The following AIM2 variants were observed in gnomAD, a reference collection of about 807,000 sequenced individuals.
AIM2 encodes interferon-inducible protein AIM2.
AIM2 carries 30 observed loss-of-function variants against 27.7 expected under a neutral mutation model. That is an observed-to-expected ratio of 1.08 (90% CI 0.81 to 1.47). The LOEUF (loss-of-function observed/expected upper bound fraction) is 1.47. AIM2 is among the 40% of genes most tolerant of loss of function. The pLI is 0.00. For missense variants in AIM2, 358 were observed against 411.3 expected (o/e 0.87, Z 1.12); for synonymous variants, 141 against 145.3 (o/e 0.97, Z 0.21).
chr1:159,061,486 G>A (rs980196748), downstream of AIM2, among the ~76,000 whole-genome samples: 2 of 151,658 alleles, frequency 1.3e-5, no homozygotes, highest in Non-Finnish European at 2.9e-5. Context: ...TCCGCCTCCT[G>A]GGTTCAAGTG....
At chr1:159,077,577 C>T (rs1389017030), upstream of AIM2, among the ~76,000 whole-genome samples, 3 of 152,226 alleles carry the variant, frequency 2.0e-5, no homozygotes, top group Non-Finnish European at 2.9e-5. Context: ...TTCATTGTCA[C>T]AGGCTGTTGT....
At chr1:159,134,550 G>C (rs541731280) in intron 1 of AIM2, among the ~76,000 whole-genome samples, 1 of 152,156 alleles carries the variant, frequency 6.6e-6, no homozygotes, top group Non-Finnish European at 1.5e-5. Flanking sequence ...TCCTTCATCC[G>C]GCCGAGTGCG....
the AIM2 span, among the ~76,000 whole-genome samples, chr1:159,055,723 T>C: frequency 6.6e-6 from 1 of 152,238 alleles, no homozygotes; most frequent in Non-Finnish European, 1.5e-5. Flanking sequence ...CAGAATAGAA[T>C]AGCAGAAAGT....
intron 1 of AIM2, among the ~76,000 whole-genome samples, chr1:159,098,920 A>C (rs1047755520): frequency 2.0e-5 from 3 of 152,278 alleles, no homozygotes; most frequent in Non-Finnish European, 4.4e-5. Flanking sequence ...TAACAAAAAG[A>C]GACTACTTCA....
At chr1:159,139,401 C>T (rs1476478821) in intron 1 of AIM2, among the ~76,000 whole-genome samples, 1 of 152,170 alleles carries the variant, frequency 6.6e-6, no homozygotes, top group Non-Finnish European at 1.5e-5. Flanking sequence ...GTCCAGGTAC[C>T]CTCCCCGTAT....
intron 1 of AIM2, among the ~76,000 whole-genome samples, chr1:159,136,503 T>C (rs1648011420): frequency 1.3e-5 from 2 of 152,340 alleles, no homozygotes; most frequent in African/African-American, 2.4e-5. Context: ...GTCATTACCA[T>C]GAAGTTGCTG....
At chr1:159,071,650 C>T (rs1656368743) in intron 2 of AIM2, among the ~76,000 whole-genome samples, 1 of 152,216 alleles carries the variant, frequency 6.6e-6, no homozygotes, top group South Asian at 2.1e-4. Context: ...GCTGGCATTA[C>T]AGATGCCCGC....
intron 1 of AIM2, among the ~76,000 whole-genome samples, chr1:159,075,609 T>TAGAGAG (rs1280607292): frequency 6.8e-6 from 1 of 146,928 alleles, no homozygotes; most frequent in African/African-American, 2.5e-5. Context: ...TATATATATA[T>TAGAGAG]ATAGAGAGAG....
At chr1:159,090,196 G>A (rs1366765651) in intron 1 of AIM2, among the ~76,000 whole-genome samples, 1 of 152,190 alleles carries the variant, frequency 6.6e-6, no homozygotes, top group African/African-American at 2.4e-5. Flanking sequence ...CTTTATAGGT[G>A]TTCCCAAGAG....
intron 1 of AIM2, among the ~76,000 whole-genome samples, chr1:159,134,960 T>C (rs1302791945): frequency 6.6e-6 from 1 of 152,226 alleles, no homozygotes; most frequent in Admixed American, 6.5e-5. Flanking sequence ...TCCTTATCTT[T>C]CAGATTCAAG....
At chr1:159,065,421 TA>T (rs201165008) in intron 4 of AIM2, among the ~76,000 whole-genome samples, 1 of 151,336 alleles carries the variant, frequency 6.6e-6, no homozygotes, top group Admixed American at 6.6e-5. Flanking sequence ...ACTTTTTAAT[TA>T]AAAAAAAAGT....
chr1:159,094,703 A>G (rs1176076783), intron 1 of AIM2, among the ~76,000 whole-genome samples: 3 of 150,632 alleles, frequency 2.0e-5, no homozygotes, highest in Non-Finnish European at 4.5e-5. Flanking sequence ...GTCTCCGAAG[A>G]AAAAATGAAA....
intron 1 of AIM2, among the ~76,000 whole-genome samples, chr1:159,114,070 G>C (rs1490770047): frequency 6.6e-6 from 1 of 152,124 alleles, no homozygotes; most frequent in African/African-American, 2.4e-5. Flanking sequence ...GATTATTTTA[G>C]GTGTAGAGAA....
chr1:159,127,915 A>T (rs1221770454), intron 1 of AIM2, among the ~76,000 whole-genome samples: 1 of 152,194 alleles, frequency 6.6e-6, no homozygotes, highest in African/African-American at 2.4e-5. Context: ...TCACCAACTG[A>T]AAGTGCCTTC....
intron 2 of AIM2, among the ~76,000 whole-genome samples, chr1:159,070,317 A>G (rs1247611202): frequency 6.6e-6 from 1 of 152,234 alleles, no homozygotes; most frequent in East Asian, 1.9e-4. Flanking sequence ...ACCTATTAGC[A>G]ATTCAATGGA....
At chr1:159,089,175 C>A (rs935999266) in intron 1 of AIM2, among the ~76,000 whole-genome samples, 2 of 152,154 alleles carry the variant, frequency 1.3e-5, no homozygotes, top group East Asian at 3.9e-4. Flanking sequence ...GAGCTTCTGA[C>A]CTAGGTGCTT....
intron 1 of AIM2, among the ~76,000 whole-genome samples, chr1:159,116,857 C>A (rs1301280551): frequency 1.3e-5 from 2 of 151,148 alleles, no homozygotes; most frequent in Non-Finnish European, 2.9e-5. Context: ...AGTAAAGTCA[C>A]TCGGCATTAG....
chr1:159,093,439 A>G (rs1657093577), intron 1 of AIM2, among the ~76,000 whole-genome samples: 1 of 152,188 alleles, frequency 6.6e-6, no homozygotes, highest in African/African-American at 2.4e-5. Context: ...TTTGGAACAT[A>G]ATGCTGTATT....
chr1:159,136,285 T>C (rs1381923132), intron 1 of AIM2, among the ~76,000 whole-genome samples: 1 of 152,124 alleles, frequency 6.6e-6, no homozygotes, highest in African/African-American at 2.4e-5. Flanking sequence ...AATCTGAAGG[T>C]TTAGAAAGAA....
Sources: allele counts gnomAD v4.1 joint callset (sites outside exome capture counted in the v4.1 genomes callset), GRCh38; gene constraint gnomAD v4.1.1; transcripts MANE v1.5; gene names NCBI Gene and HGNC (gene_info 2026-07-23, HGNC 2026-07-21).